MORN1: variants seen among roughly 807,000 people sequenced by gnomAD.
The protein encoded by MORN1 is MORN repeat-containing protein 1.
MORN1 carries 67 observed loss-of-function variants against 61.9 expected under a neutral mutation model. The observed-to-expected ratio is 1.08, with a 90% CI of 0.89 to 1.33. MORN1 has a LOEUF of 1.33. Ranked by LOEUF, MORN1 falls within the 40% of genes most tolerant of loss-of-function variation. The pLI, the probability that MORN1 is intolerant of heterozygous loss-of-function variation, is 0.00. For missense variants in MORN1, 752 were observed against 691.2 expected (o/e 1.09, Z -0.99); for synonymous variants, 301 against 292.0 (o/e 1.03, Z -0.31).
chr1:2,333,330 C>G (rs1176615564), intron 12 of MORN1, among the ~76,000 whole-genome samples: 1 of 152,198 alleles, frequency 6.6e-6, no homozygotes, highest in Admixed American at 6.5e-5. Context: ...GGGTCAGCCC[C>G]GGGCCCAGCT....
chr1:2,381,741 G>T (rs1045301895), intron 6 of MORN1, among the ~76,000 whole-genome samples: 1 of 152,172 alleles, frequency 6.6e-6, no homozygotes, highest in Non-Finnish European at 1.5e-5. Context: ...AGGCCTGGGG[G>T]GCCGCTTGGG....
At chr1:2,384,878 G>A (rs1642454366) in intron 6 of MORN1, 100 bp downstream of exon 6, 1 of 1,022,106 alleles carries the variant, frequency 9.8e-7, no homozygotes. Context: ...CCTGGCACAT[G>A]GAGAAGCTGC....
At chr1:2,350,299 T>C (rs1394114122) in intron 10 of MORN1, 1 of 152,244 alleles carries the variant, frequency 6.6e-6, no homozygotes. Flanking sequence ...TGCAAATCCT[T>C]ATTTGAAAGT....
chr1:2,335,614 C>A (rs148761213), intron 12 of MORN1, among the ~76,000 whole-genome samples: 5 of 152,140 alleles, frequency 3.3e-5, no homozygotes, highest in Non-Finnish European at 5.9e-5. Flanking sequence ...GTCTGTGCAC[C>A]GCGTCACCAA....
At chr1:2,389,094 A>G (rs1642578783) in intron 2 of MORN1, among the ~76,000 whole-genome samples, 1 of 150,196 alleles carries the variant, frequency 6.7e-6, no homozygotes, top group Non-Finnish European at 1.5e-5. Context: ...CCTGGGCAAC[A>G]AGAGCAAAAC....
At position 2,357,640 on chromosome 1, in the gene MORN1, C is replaced by T. The variant is rs766626479; in HGVS notation, c.870-42G>A. 7 of 1,544,708 alleles carry T rather than the reference C, an allele frequency of 4.5e-6. No individual in the cohort carries two copies. The Admixed American group carries it at 5.7e-5, about 13-fold the overall frequency. On this transcript the variant is annotated intron_variant, in intron 9 of 13. Transcript: ENST00000378531. The surrounding 1 kb of genome is among the most constrained non-coding windows in gnomAD (Gnocchi z 6.3). The stretch of plus-strand genomic sequence containing the variant: ...GCAGCTTGGCTCTACTCACCCCACA[C>T]CAAACTAGGGTGCAGGCAGACAGCG...
intron 5 of MORN1, 108 bp from the exon 6 acceptor site, chr1:2,385,173 C>T: frequency 8.8e-7 from 1 of 1,140,994 alleles, no homozygotes; most frequent in South Asian, 1.4e-5. Flanking sequence ...GGGACCGAGG[C>T]AAAAATAGGC....
At chr1:2,322,106 T>TG (rs1640894626) in intron 13 of MORN1, 1 of 985,084 alleles carries the variant, frequency 1.0e-6, no homozygotes, top group Non-Finnish European at 1.2e-6. Flanking sequence ...GCTCTCCGGG[T>TG]GGGGCTGGAG....
At chr1:2,323,261 C>A (rs765768841) in intron 13 of MORN1, 55 of 985,278 alleles carry the variant, frequency 5.6e-5, no homozygotes, top group Non-Finnish European at 6.3e-5. Flanking sequence ...ACACGGGTGC[C>A]GTCCCCACGA....
At chr1:2,340,191 C>A (rs1274541625) in intron 10 of MORN1, among the ~76,000 whole-genome samples, 1 of 152,160 alleles carries the variant, frequency 6.6e-6, no homozygotes, top group Non-Finnish European at 1.5e-5. Context: ...AGGCTTGCCC[C>A]TCCTCTGTTC....
At chr1:2,345,902 C>T (rs1159666394) in intron 10 of MORN1, among the ~76,000 whole-genome samples, 1 of 152,228 alleles carries the variant, frequency 6.6e-6, no homozygotes, top group Non-Finnish European at 1.5e-5. Flanking sequence ...CTCACACGCC[C>T]CAGGCCCATG....
At chr1:2,379,879 C>T (rs1449007376) in intron 6 of MORN1, among the ~76,000 whole-genome samples, 1 of 152,162 alleles carries the variant, frequency 6.6e-6, no homozygotes, top group Non-Finnish European at 1.5e-5. Context: ...ATGCAGCAGT[C>T]TCACCTCTGG....
At chr1:2,350,943 C>G (rs2254895) in intron 10 of MORN1, 1 of 152,320 alleles carries the variant, frequency 6.6e-6, no homozygotes. Context: ...TCTCCCTCCT[C>G]TCCCCAGGGC....
chr1:2,324,965 G>T (rs569625091), intron 12 of MORN1, among the ~76,000 whole-genome samples: 1,823 of 85,836 alleles, frequency 0.021, 34 homozygotes, highest in African/African-American at 0.13. Flanking sequence ...GTCCCTGCAC[G>T]TGAGGAAGCT....
chr1:2,381,248 G>T (rs1039353366), intron 6 of MORN1, among the ~76,000 whole-genome samples: 1 of 152,276 alleles, frequency 6.6e-6, no homozygotes, highest in African/African-American at 2.4e-5. Context: ...GACCTGAGGG[G>T]ATGGGAGCCC....
chr1:2,374,017 G>C lies in MORN1; in HGVS notation c.634+444C>G, dbSNP rs117029896. ...CCTGGCTAGACTGACCCCTGGGGTG[G>C]CACCCTCATCCTGGAATCTATTGAG... On this transcript the variant is annotated intron_variant, in intron 7 of 13. Coordinates refer to ENST00000378531, the MANE Select transcript of MORN1 (RefSeq NM_024848.3). 2.8e-4 allele frequency among the ~76,000 whole-genome samples: 42 copies of C among 152,308 alleles called. 1 individual carries two copies. In the East Asian group the frequency reaches 7.9e-3, roughly 29 times the overall value.
Position 2,384,966 on chromosome 1 carries a change from G to A in MORN1, c.537+12C>T, listed in dbSNP as rs1360114989. 8.4e-6 allele frequency: 13 copies of A among 1,548,218 alleles called. No individual in the cohort carries two copies. The highest frequency in any genetic ancestry group is 1.0e-5 in the Non-Finnish European group (12 of 1,145,230). ...ACCCTCTGGGCAGCAGGTGCCGCGC[G>A]CCCCCGGGTACCTTGTAGGTGGAGC... On this transcript the variant is annotated intron_variant, in intron 6 of 13. Transcript: ENST00000378531.
chr1:2,323,630 T>C, intron 13 of MORN1: 1 of 985,220 alleles, frequency 1.0e-6, no homozygotes, highest in African/African-American at 1.7e-5. Context: ...AGGCCCTCGC[T>C]GCACCCCTCC....
At chr1:2,323,699 C>T (rs1343695205) in intron 13 of MORN1, 1 of 985,176 alleles carries the variant, frequency 1.0e-6, no homozygotes, top group Admixed American at 6.2e-5. Context: ...CCCAGGCCCA[C>T]CAAGCCCTGC....
Sources: allele counts gnomAD v4.1 joint callset (sites outside exome capture counted in the v4.1 genomes callset), GRCh38; gene constraint gnomAD v4.1.1; non-coding constraint Gnocchi (gnomAD v3.1); transcripts MANE v1.5; gene names NCBI Gene and HGNC (gene_info 2026-07-23, HGNC 2026-07-21).